Variants in CAMTA1 observed in about 807,000 individuals in gnomAD.
The protein encoded by CAMTA1 is calmodulin-binding transcription activator 1.
CAMTA1 carries 27 observed loss-of-function variants against 170.9 expected under a neutral mutation model. The ratio of observed to expected loss-of-function variants is 0.16; its 90% confidence interval spans 0.12 to 0.22. The LOEUF is 0.22. CAMTA1 is among the 10% of genes least tolerant of loss of function. The pLI is 1.00. For synonymous variants in CAMTA1, 833 were observed against 891.5 expected (o/e 0.93, Z 1.17); for missense variants, 1,619 against 2,217.2 (o/e 0.73, Z 5.42).
intron 4 of CAMTA1, among the ~76,000 whole-genome samples, chr1:7,206,078 G>C (rs900809194): frequency 2.6e-5 from 4 of 152,160 alleles, no homozygotes; most frequent in Non-Finnish European, 5.9e-5. Context: ...TCATACACCA[G>C]TATACACTGT....
chr1:7,540,236 A>AATGG (rs145143324), intron 6 of CAMTA1, among the ~76,000 whole-genome samples: 5,688 of 152,222 alleles, frequency 0.037, 326 homozygotes, highest in African/African-American at 0.13. Flanking sequence ...TGAATGGAGA[A>AATGG]ATGGATGGAT....
intron 7 of CAMTA1, among the ~76,000 whole-genome samples, chr1:7,658,228 G>A (rs1009768460): frequency 2.0e-5 from 3 of 152,216 alleles, no homozygotes; most frequent in African/African-American, 7.2e-5. Flanking sequence ...CACCTGCTCC[G>A]AGTTCCCACA....
At chr1:7,233,973 G>A (rs569474939) in intron 4 of CAMTA1, among the ~76,000 whole-genome samples, 50 of 152,144 alleles carry the variant, frequency 3.3e-4, no homozygotes, top group African/African-American at 1.1e-3. Flanking sequence ...TGCGCTTACC[G>A]GAGTTGCACT....
At chr1:6,815,863 A>T (rs1434858636) in intron 1 of CAMTA1, among the ~76,000 whole-genome samples, 2 of 152,164 alleles carry the variant, frequency 1.3e-5, no homozygotes, top group Non-Finnish European at 2.9e-5. Context: ...AGAAGATCCT[A>T]AGATAACCCG....
At chr1:7,120,348 A>C (rs1478726427) in intron 4 of CAMTA1, among the ~76,000 whole-genome samples, 1 of 152,166 alleles carries the variant, frequency 6.6e-6, no homozygotes, top group African/African-American at 2.4e-5. Flanking sequence ...GTCCAAGCTC[A>C]CATAGGCCTG....
chr1:7,103,788 T>C (rs1342849793), intron 4 of CAMTA1, among the ~76,000 whole-genome samples: 2 of 145,078 alleles, frequency 1.4e-5, no homozygotes, highest in Non-Finnish European at 3.0e-5. Flanking sequence ...TAACTACACG[T>C]ACATACAACG....
rs541057632 is a variant in CAMTA1 at position 7,522,138 on chromosome 1, T to C, written c.510+54237T>C. ...AACGGGGTATGACGGATCCGGTTTT[T>C]TCACGGCCTCACCAGCATTTGATGT... On this transcript the variant is annotated intron_variant, in intron 6 of 22. Coordinates refer to ENST00000303635, the MANE Select transcript of CAMTA1 (RefSeq NM_015215.4). Among the ~76,000 whole-genome samples the C allele has an allele frequency of 3.9e-5, 6 of 152,354 alleles. 1 individual carries two copies. The South Asian group carries it at 1.0e-3, about 26-fold the overall frequency.
At chr1:7,285,209 G>T (rs1163345761) in intron 5 of CAMTA1, among the ~76,000 whole-genome samples, 3 of 152,194 alleles carry the variant, frequency 2.0e-5, no homozygotes, top group Non-Finnish European at 2.9e-5. Context: ...ATGAGAAAAT[G>T]AGTCAGTGAG....
rs532369595 is a variant in CAMTA1, at chr1:7,474,582, C to G, written c.510+6681C>G. ...CGTCTGTGACATCCCCACCCCATCC[C>G]TAGCATCCCACCTCTGCATTCTCTC... is the stretch of plus-strand genomic sequence containing the variant. On this transcript the variant is annotated intron_variant, in intron 6 of 22. Transcript: ENST00000303635. Among the ~76,000 whole-genome samples the G allele has an allele frequency of 5.3e-5, 8 of 152,370 alleles. No homozygotes were observed. The East Asian group carries it at 1.5e-3, about 29-fold the overall frequency.
intron 1 of CAMTA1, among the ~76,000 whole-genome samples, chr1:6,808,730 A>G (rs916485420): frequency 1.3e-5 from 2 of 151,888 alleles, no homozygotes; most frequent in Non-Finnish European, 2.9e-5. Context: ...TTGTTGGCTG[A>G]ATGAATGAAT....
chr1:7,549,291 C>A (rs985155782), intron 6 of CAMTA1, among the ~76,000 whole-genome samples: 1 of 151,890 alleles, frequency 6.6e-6, no homozygotes, highest in South Asian at 2.1e-4. Flanking sequence ...GGTGGAGATG[C>A]CCGTGGAGGG....
intron 6 of CAMTA1, among the ~76,000 whole-genome samples, chr1:7,509,994 AAAAC>A (rs1317396803): frequency 1.4e-5 from 2 of 144,662 alleles, no homozygotes; most frequent in African/African-American, 5.4e-5. Context: ...TCATCCTGCA[AAAAC>A]AAACAAACAA....
At chr1:6,841,969 A>G (rs553675289) in intron 3 of CAMTA1, among the ~76,000 whole-genome samples, 34 of 152,194 alleles carry the variant, frequency 2.2e-4, no homozygotes, top group African/African-American at 7.2e-4. Context: ...AAGTCAGTGT[A>G]GAACCTCTGC....
chr1:7,087,171 G>C (rs1243716190), intron 3 of CAMTA1, among the ~76,000 whole-genome samples: 2 of 152,180 alleles, frequency 1.3e-5, no homozygotes, highest in African/African-American at 2.4e-5. Context: ...ACCTCTGGGG[G>C]AAGAGAGAGA....
intron 6 of CAMTA1, among the ~76,000 whole-genome samples, chr1:7,498,194 G>GAGTA (rs58349140): frequency 6.9e-6 from 1 of 145,416 alleles, no homozygotes; most frequent in African/African-American, 2.7e-5. Context: ...GAGAGTGAGT[G>GAGTA]TGTGTGTGTG....
At chr1:6,788,164 T>TCCCTCCCC (rs1639970747) in intron 1 of CAMTA1, among the ~76,000 whole-genome samples, 1 of 142,052 alleles carries the variant, frequency 7.0e-6, no homozygotes, top group African/African-American at 2.6e-5. Context: ...CAGGTCTCCC[T>TCCCTCCCC]CCCTCCCTCC....
In CAMTA1 at chr1:6,918,228, C is replaced by T. The variant is rs1482851448; in HGVS notation, c.234+93018C>T. Among the ~76,000 whole-genome samples, 2 of 152,168 alleles carry T rather than the reference C, an allele frequency of 1.3e-5. No homozygotes were observed. Among genetic ancestry groups the T allele is most frequent in the Non-Finnish European group, 2.9e-5 (2 of 68,024 alleles). On this transcript the variant is annotated intron_variant, in intron 3 of 22. Coordinates refer to ENST00000303635, the MANE Select transcript of CAMTA1 (RefSeq NM_015215.4). This position sits in a 1 kb window ranked among gnomAD's most constrained non-coding sequence, Gnocchi z 4.0. ...ATATTGGAGGAGGAGAAACCTTTCA[C>T]CCAGCCCTAAACCAGCTGCTTCTGG...
In CAMTA1 at chr1:7,551,585, G is replaced by T. The variant is rs557442781; in HGVS notation, c.510+83684G>T. Among the ~76,000 whole-genome samples, 20 of 152,284 alleles carry T rather than the reference G, an allele frequency of 1.3e-4. 2 individuals are homozygous for T. The East Asian group carries it at 3.9e-3, about 30-fold the overall frequency. On this transcript the variant is annotated intron_variant, in intron 6 of 22. Transcript: ENST00000303635. ...GCTCCCAGCAGCCCCCTCCCCTACT[G>T]GGGACACTGTGGCTGCTGAAGCTTC...
chr1:7,339,020 A>G (rs1011191480), intron 5 of CAMTA1, among the ~76,000 whole-genome samples: 1 of 152,132 alleles, frequency 6.6e-6, no homozygotes, highest in African/African-American at 2.4e-5. Context: ...ACACTTTTAA[A>G]CAACTGGATG....
Sources: gnomAD v4.1 joint callset for allele counts (sites outside exome capture counted in the v4.1 genomes callset) on GRCh38, gnomAD v4.1.1 for gene constraint, Gnocchi (gnomAD v3.1) non-coding constraint, MANE v1.5 for transcripts, NCBI Gene and HGNC (gene_info 2026-07-23, HGNC 2026-07-21) for gene names.